Variants in SLA observed in about 807,000 individuals in gnomAD.
SLA encodes the protein src-like-adapter.
In SLA, 16 loss-of-function variants were observed where a neutral mutation model predicts 30.3. The ratio of observed to expected loss-of-function variants is 0.53; its 90% CI spans 0.36 to 0.80. SLA has a LOEUF of 0.80. Ranked by LOEUF, SLA falls within the 30% of genes least tolerant of loss-of-function variation. The pLI, the probability that SLA is intolerant of heterozygous loss-of-function variation, is 0.01. For missense variants in SLA, 310 were observed against 345.2 expected (o/e 0.90, Z 0.81); for synonymous variants, 143 against 137.8 (o/e 1.04, Z -0.26).
chr8:133,098,764 G>T (rs1848817677), intron 1 of SLA, among the ~76,000 whole-genome samples: 1 of 152,168 alleles, frequency 6.6e-6, no homozygotes, highest in African/African-American at 2.4e-5. Flanking sequence ...AGGGTGAGGG[G>T]GTTGTTCTTG....
intron 3 of SLA, among the ~76,000 whole-genome samples, chr8:133,058,221 C>G (rs1255812853): frequency 1.3e-5 from 2 of 152,074 alleles, no homozygotes; most frequent in African/African-American, 4.8e-5. Flanking sequence ...ACGTTAGGAC[C>G]AATGATCGGG....
In SLA at chr8:133,102,595, C is replaced by G; in HGVS notation, c.-361G>C. Reference sequence around the variant, plus strand: ...TGCCTGAGATGTTCTCCATTCGCAGCAAATGATCTTATTTTCTGAAGTAGC... The same window carrying G: ...TGCCTGAGATGTTCTCCATTCGCAGGAAATGATCTTATTTTCTGAAGTAGC... On this transcript the variant is annotated 5_prime_UTR_variant, in exon 1 of 9. Transcript: ENST00000338087. 2 of 1,549,748 alleles carry G rather than the reference C, an allele frequency of 1.3e-6. No individual in the cohort carries two copies. Among genetic ancestry groups the G allele is most frequent in the South Asian group, 2.4e-5 (2 of 84,026 alleles).
At chr8:133,092,853 C>T (rs1847784531) in intron 1 of SLA, among the ~76,000 whole-genome samples, 1 of 152,188 alleles carries the variant, frequency 6.6e-6, no homozygotes, top group African/African-American at 2.4e-5. Flanking sequence ...AGGTTTCCTT[C>T]AGAAAGATCA....
intron 1 of SLA, among the ~76,000 whole-genome samples, chr8:133,101,463 G>A (rs1849237494): frequency 6.6e-6 from 1 of 152,150 alleles, no homozygotes; most frequent in Non-Finnish European, 1.5e-5. Context: ...CCTGAAGATG[G>A]CAGGTTCTGG....
At chr8:133,094,264 G>A (rs1848067077) in intron 1 of SLA, among the ~76,000 whole-genome samples, 2 of 122,184 alleles carry the variant, frequency 1.6e-5, no homozygotes, top group Non-Finnish European at 1.8e-5. Flanking sequence ...TTTTTTTGAT[G>A]GAGTCTTGCT....
intron 1 of SLA, among the ~76,000 whole-genome samples, chr8:133,093,257 G>C (rs4736628): frequency 0.72 from 108,946 of 151,912 alleles, 39,503 homozygotes; most frequent in Non-Finnish European, 0.75. Flanking sequence ...TCATATTGAC[G>C]CTTGTTCCTT....
In SLA at chr8:133,040,046, G is replaced by A. The variant is rs1449111044; in HGVS notation, c.569C>T (p.Ser190Leu). The part of the protein sequence containing the change: ...TAAPAVRASS[S>L]PVTLRQKTVD... ...AGTCTTCTGACGCAAGGTGACAGGT[G>A]AGCTGGAGGCCCTCACTGCTGGGGC... is the stretch of plus-strand genomic sequence containing the variant. The change falls in exon 8 of 9, where the codon TCA becomes TTA. Residue 190 changes from serine to leucine, a missense_variant. Transcript: ENST00000338087. 1 of 1,552,852 alleles carries A rather than the reference G, an allele frequency of 6.4e-7. No homozygotes were observed. Among genetic ancestry groups the A allele is most frequent in the Non-Finnish European group, 8.7e-7 (1 of 1,147,556 alleles).
At chr8:133,100,959 C>T (rs545193331) in intron 1 of SLA, among the ~76,000 whole-genome samples, 2 of 134,214 alleles carry the variant, frequency 1.5e-5, no homozygotes, top group South Asian at 2.4e-4. Flanking sequence ...GTATTTAACA[C>T]GATTTTTTTT....
chr8:133,052,429 A>G (rs938053086), intron 3 of SLA, among the ~76,000 whole-genome samples: 4 of 152,222 alleles, frequency 2.6e-5, no homozygotes, highest in East Asian at 1.9e-4. Flanking sequence ...CAATATGGAA[A>G]GGGATCAGGG....
intron 1 of SLA, among the ~76,000 whole-genome samples, chr8:133,088,934 T>C (rs1847047771): frequency 6.6e-6 from 1 of 152,188 alleles, no homozygotes; most frequent in African/African-American, 2.4e-5. Context: ...AAATATAAAC[T>C]TGGATGTTTA....
chr8:133,047,643 C>T, intron 6 of SLA, 187 bp downstream of exon 6: 1 of 608,014 alleles, frequency 1.6e-6, no homozygotes, highest in East Asian at 2.9e-5. Flanking sequence ...TCCCCACTGC[C>T]TGTCTCTAGT....
At chr8:133,067,145 C>T (rs1008150045) in intron 2 of SLA, among the ~76,000 whole-genome samples, 9 of 152,148 alleles carry the variant, frequency 5.9e-5, no homozygotes, top group African/African-American at 9.6e-5. Context: ...GCAGGATTTC[C>T]GGGGTCACCC....
At chr8:133,095,238 A>G in intron 1 of SLA, 1 of 1,614,190 alleles carries the variant, frequency 6.2e-7, no homozygotes, top group East Asian at 2.2e-5. Flanking sequence ...TTGGGAAGGG[A>G]CATTCTCTGG....
chr8:133,065,624 T>C (rs1271161835), intron 2 of SLA, among the ~76,000 whole-genome samples: 1 of 152,010 alleles, frequency 6.6e-6, no homozygotes, highest in Non-Finnish European at 1.5e-5. Context: ...TAGCCGGACA[T>C]GTTGGCACAT....
In SLA at chr8:133,052,527, TG is replaced by T. The variant is rs372555775; in HGVS notation, c.62-1613del. On this transcript the variant is annotated intron_variant, in intron 3 of 8. Coordinates refer to ENST00000338087, the MANE Select transcript of SLA (RefSeq NM_001045556.3). ...CTGCTGCAGACCTTCCCCAAACCTG[TG>T]GGGGCAGCTCCCTCACATTCTGCTT... Among the ~76,000 whole-genome samples the T allele has an allele frequency of 1.1e-4, 16 of 152,278 alleles. 1 individual carries two copies. Among genetic ancestry groups the T allele is most frequent in the African/African-American group, 3.9e-4 (16 of 41,552 alleles).
At chr8:133,073,651 A>C (rs1844413661) in intron 2 of SLA, among the ~76,000 whole-genome samples, 1 of 152,336 alleles carries the variant, frequency 6.6e-6, no homozygotes, top group Non-Finnish European at 1.5e-5. Context: ...ATAGACTTGC[A>C]GCTCAGCATC....
At chr8:133,055,201 G>C (rs1469690677) in intron 3 of SLA, among the ~76,000 whole-genome samples, 1 of 152,122 alleles carries the variant, frequency 6.6e-6, no homozygotes, top group Admixed American at 6.5e-5. Context: ...GTCAGGGTTA[G>C]CATAAGCAGC....
intron 1 of SLA, among the ~76,000 whole-genome samples, chr8:133,087,178 A>G (rs1409566904): frequency 3.3e-5 from 5 of 151,576 alleles, no homozygotes; most frequent in Admixed American, 6.6e-5. Context: ...TTTGATTGGG[A>G]GGATTATGTG....
chr8:133,102,445 T>C, intron 1 of SLA, 108 bp downstream of exon 1: 3 of 930,060 alleles, frequency 3.2e-6, no homozygotes, highest in Non-Finnish European at 5.0e-6. Flanking sequence ...AGACGGAGGG[T>C]GGGTACAGGA....
Sources: gnomAD v4.1 joint callset for allele counts (sites outside exome capture counted in the v4.1 genomes callset) on GRCh38, gnomAD v4.1.1 for gene constraint, MANE v1.5 for transcripts, NCBI Gene and HGNC (gene_info 2026-07-23, HGNC 2026-07-21) for gene names.